Variants in ZAN observed in about 807,000 individuals in gnomAD.
The protein encoded by ZAN is zonadhesin (gene/pseudogene).
A neutral mutation model predicts 286.2 loss-of-function variants in ZAN; 260 were observed. That is an observed-to-expected ratio of 0.91 (90% CI 0.82 to 1.01). The LOEUF (loss-of-function observed/expected upper bound fraction) is 1.01. Ranked by LOEUF, ZAN falls within the 50% of genes least tolerant of loss-of-function variation. The pLI, the probability that ZAN is intolerant of heterozygous loss-of-function variation, is 0.00. For synonymous variants in ZAN, 1,368 were observed against 1,417.5 expected, an observed-to-expected ratio of 0.97 and a Z score of 0.79; for missense variants, 3,410 against 3,639.2, an observed-to-expected ratio of 0.94 and a Z score of 1.62.
rs1262515766 is a variant in ZAN at position 100,786,922 on chromosome 7, T to G, written c.6979+781T>G. On this transcript the variant is annotated intron_variant, in intron 37 of 47. Transcript: ENST00000613979. ...TTAAAATTTTAAAAAATTAGTTAGG[T>G]GTAGTGGCTTGTGCCTGTAGTCCCA... 2.0e-5 allele frequency among the ~76,000 whole-genome samples: 3 copies of G among 151,944 alleles called. No homozygotes were observed. In the East Asian group the frequency reaches 5.8e-4, roughly 29 times the overall value.
intron 44 of ZAN, 33 bp from the exon 45 acceptor site, chr7:100,795,163 G>GC (rs546462455): frequency 3.1e-6 from 5 of 1,591,920 alleles, no homozygotes; most frequent in Non-Finnish European, 3.4e-6. Flanking sequence ...TCCTCCCAGG[G>GC]CCCCCCTCCC....
chr7:100,758,500 C>T (rs1456224700), intron 16 of ZAN, 31 bp from the exon 17 acceptor site: 1 of 1,553,234 alleles, frequency 6.4e-7, no homozygotes, highest in East Asian at 2.4e-5. Flanking sequence ...GCCACAGAAG[C>T]AGCTTCGCCT....
At chr7:100,788,167 G>C (rs1244421757) in intron 38 of ZAN, 31 bp downstream of exon 38, 1 of 1,447,150 alleles carries the variant, frequency 6.9e-7, no homozygotes, top group African/African-American at 1.4e-5. Flanking sequence ...TGGTGGGTGT[G>C]GGGAGGCAGC....
rs183387051 is a variant in ZAN at position 100,747,532 on chromosome 7, C to T, written c.932-18C>T. On this transcript the variant is annotated intron_variant, in intron 8 of 47. Transcript: ENST00000613979. ...GTCCCCTTAAGCTCACTTCTCCTTCCAATTCCTTTCACTGCAGGGAGTATC... is the reference window on the plus strand; with the variant it reads ...GTCCCCTTAAGCTCACTTCTCCTTCTAATTCCTTTCACTGCAGGGAGTATC... 1.1e-5 allele frequency: 18 copies of T among 1,611,978 alleles called. No homozygotes were observed. The highest frequency in any genetic ancestry group is 1.4e-5 in the Non-Finnish European group (17 of 1,178,074).
rs1374386628 is a variant in ZAN, at chr7:100,792,006, G to A, written c.7570G>A (p.Gly2524Ser). ...GGAGGAGGGACAAGGGGCGGAGCTG[G>A]GCCTCCGCACGGGCCTCCAAGTGTC... is the stretch of plus-strand genomic sequence containing the variant. ...AEEEGQGAELGLRTGLQVSEC... is the reference protein window; with the variant it reads ...AEEEGQGAELSLRTGLQVSEC... The change falls in exon 41 of 48, where the codon GGC (glycine) becomes AGC (serine). Residue 2524 changes from glycine to serine, a missense_variant. By Grantham distance (56) the Gly-to-Ser change is moderately conservative. This residue lies in a region of ZAN where 1,289 missense variants were observed against 1,314.3 expected (regional missense o/e 0.98). Transcript: ENST00000613979. The A allele has an allele frequency of 8.7e-6, 14 of 1,613,308 alleles. No homozygotes were observed. Among genetic ancestry groups the A allele is most frequent in the Middle Eastern group, 1.7e-4 (1 of 5,782 alleles).
chr7:100,751,843 A>T lies in ZAN; in HGVS notation c.1738A>T (p.Thr580Ser). The change falls in exon 14 of 48, where the codon ACC becomes TCC. Residue 580 changes from threonine to serine, a missense_variant. Physicochemically the swap from Thr to Ser is moderately conservative, Grantham distance 58 (BLOSUM62 1). Transcript: ENST00000613979. ...PTVSIEKPSV[T>S]TEKPTVPKEK... ...AGTTTCCATAGAAAAACCCAGTGTC[A>T]CCACAGAAAAGCCCACAGTCCCCAA... 6.2e-7 allele frequency: 1 copy of T among 1,613,340 alleles called. No individual in the cohort carries two copies. Among genetic ancestry groups the T allele is most frequent in the Non-Finnish European group, 8.5e-7 (1 of 1,179,674 alleles).
intron 28 of ZAN, 131 bp downstream of exon 28, chr7:100,770,105 C>CCG: frequency 2.5e-6 from 2 of 785,788 alleles, no homozygotes; most frequent in Admixed American, 2.6e-5. Flanking sequence ...AATGGGAACA[C>CCG]AGGGCCAGCC....
chr7:100,774,495 A>G (rs141081740), intron 31 of ZAN, among the ~76,000 whole-genome samples: 14 of 152,220 alleles, frequency 9.2e-5, no homozygotes, highest in African/African-American at 3.4e-4. Context: ...ACATAGTGAG[A>G]CCCCATCTCT....
chr7:100,787,856 C>G (rs1811660616), intron 37 of ZAN, 33 bp from the exon 38 acceptor site: 1 of 1,486,714 alleles, frequency 6.7e-7, no homozygotes, highest in East Asian at 2.4e-5. Flanking sequence ...GCCACTGCGC[C>G]CGGCCCCTTC....
Position 100,755,256 on chromosome 7 carries a change from C to G in ZAN, c.3155C>G (p.Ser1052Cys). ...TGCCCTCCAAATGCCCGCTACGAAT[C>G]CTGTGCTTGTCCTGCTTCGTGCAAG... Reference protein sequence around the residue: ...ERCPPNARYESCACPASCKSP... With the variant: ...ERCPPNARYECCACPASCKSP... The change falls in exon 15 of 48, where the codon TCC (serine) becomes TGC (cysteine). Residue 1052 changes from serine to cysteine, a missense_variant. Ser to Cys is a moderately radical substitution (Grantham distance 112). Around this residue, in one of 7 missense-constraint regions of ZAN, gnomAD observed 1,042 missense variants for 1,058.0 expected, o/e 0.98. Coordinates refer to ENST00000613979, the MANE Select transcript of ZAN (RefSeq NM_003386.3). 6.2e-7 allele frequency: 1 copy of G among 1,613,638 alleles called. No individual in the cohort carries two copies.
intron 38 of ZAN, 73 bp downstream of exon 38, chr7:100,788,209 A>C: frequency 2.8e-6 from 4 of 1,419,786 alleles, no homozygotes; most frequent in Non-Finnish European, 3.7e-6. Context: ...AGTAGAAGTC[A>C]GGGATCCCTG....
chr7:100,767,286 C>T, intron 25 of ZAN, 29 bp downstream of exon 25: 3 of 1,587,478 alleles, frequency 1.9e-6, no homozygotes, highest in East Asian at 2.2e-5. Context: ...CCTCCTGGAC[C>T]CTGAACACCC....
chr7:100,796,533 C>T (rs1812376745), intron 45 of ZAN, among the ~76,000 whole-genome samples: 1 of 151,082 alleles, frequency 6.6e-6, no homozygotes, highest in Admixed American at 6.7e-5. Flanking sequence ...TCTCCTGTCT[C>T]AGCCTCCTGA....
chr7:100,794,211 C>T lies in ZAN; in HGVS notation c.8078C>T (p.Ala2693Val), dbSNP rs968421265. ...ILLCEPFSCR[A>V]GEVCTLGNHT... ...CTGTGTGAGCCCTTCAGCTGCAGAG[C>T]GGGGGAGGTCTGCACCCTGGGGAAC... Residue 2693 changes from alanine to valine, a missense_variant, in exon 44 of 48, where the codon GCG becomes GTG. By Grantham distance (64) the Ala-to-Val change is moderately conservative (BLOSUM62 0). This residue lies in a region of ZAN where 1,289 missense variants were observed against 1,314.3 expected (regional missense o/e 0.98). Coordinates refer to ENST00000613979, the MANE Select transcript of ZAN (RefSeq NM_003386.3). 5 of 1,613,416 alleles carry T rather than the reference C, an allele frequency of 3.1e-6. No individual in the cohort carries two copies. In the African/African-American group the frequency reaches 4.0e-5, roughly 13 times the overall value.
At position 100,759,856 on chromosome 7, in the gene ZAN, T is replaced by A; in HGVS notation, c.3696+11T>A. 1.2e-6 allele frequency: 2 copies of A among 1,610,960 alleles called. No individual in the cohort carries two copies. The highest frequency in any genetic ancestry group is 8.5e-7 in the Non-Finnish European group (1 of 1,178,552). On this transcript the variant is annotated intron_variant, in intron 18 of 47. Coordinates refer to ENST00000613979, the MANE Select transcript of ZAN (RefSeq NM_003386.3). ...GGCAGACGCACTCTGGTGAGCCCCA[T>A]TCCACCCCCACCATCCTTGCAGGGT...
At chr7:100,771,214 A>G (rs1810345699) in intron 28 of ZAN, among the ~76,000 whole-genome samples, 1 of 152,136 alleles carries the variant, frequency 6.6e-6, no homozygotes. Flanking sequence ...TGCTGAGGTT[A>G]TAGGCGGGAG....
At chr7:100,773,514 G>A (rs1240005574) in intron 30 of ZAN, 21 bp downstream of exon 30, 1 of 1,610,826 alleles carries the variant, frequency 6.2e-7, no homozygotes, top group Non-Finnish European at 8.5e-7. Context: ...AGCTAGGAGG[G>A]GCCCCGCCCT....
At position 100,788,056 on chromosome 7, in the gene ZAN, A is replaced by G. The variant is rs1811689788; in HGVS notation, c.7147A>G (p.Arg2383Gly). The G allele has an allele frequency of 3.2e-6, 5 of 1,571,062 alleles. No individual in the cohort carries two copies. The highest frequency in any genetic ancestry group is 4.3e-6 in the Non-Finnish European group (5 of 1,150,946). The change falls in exon 38 of 48, where the codon AGG becomes GGG. Residue 2383 changes from arginine (R) to glycine (G), a missense_variant. Physicochemically the swap from Arg to Gly is moderately radical, Grantham distance 125 (BLOSUM62 -2). This residue lies in a region of ZAN where 1,289 missense variants were observed against 1,314.3 expected (regional missense o/e 0.98). Coordinates refer to ENST00000613979, the MANE Select transcript of ZAN (RefSeq NM_003386.3). ...AGGACGCAACAAGATGGATCCGCCC[A>G]GGAGCTCCATCTTCTTGCAGGAAGT... ...VEGRNKMDPP[R>G]SSIFLQEVIT...
In ZAN at chr7:100,775,973, C is replaced by T. The variant is rs17147747; in HGVS notation, c.6192+140C>T. 17,816 of 1,145,926 alleles carry T rather than the reference C, an allele frequency of 0.016. 1,519 individuals are homozygous for T. In the African/African-American group the frequency reaches 0.21, roughly 13 times the overall value. The allele number at this position is 1,145,926 out of a possible 1,614,324, so 71.0% of individuals were successfully genotyped here. A position where few individuals can be genotyped will look rare whatever the true frequency, so the allele number is the denominator to read the frequency against. On this transcript the variant is annotated intron_variant, in intron 33 of 47. Coordinates refer to ENST00000613979, the MANE Select transcript of ZAN (RefSeq NM_003386.3). ...GATGGAGCAGGGCAGTGGAGGAGTG[C>T]GCCTTTCTGTGTAGGGTGGACAAGA...
Sources: allele counts gnomAD v4.1 joint callset (sites outside exome capture counted in the v4.1 genomes callset), GRCh38; gene constraint gnomAD v4.1.1; regional missense constraint gnomAD v4.1.1; transcripts MANE v1.5; gene names NCBI Gene and HGNC (gene_info 2026-07-23, HGNC 2026-07-21).